EXD3: variants seen among roughly 807,000 people sequenced by gnomAD.
EXD3 encodes exonuclease 3'-5' domain containing 3.
A neutral mutation model predicts 98.0 loss-of-function variants in EXD3; 92 were observed. The observed-to-expected ratio is 0.94, with a 90% CI of 0.79 to 1.12. The LOEUF is 1.12. EXD3 is among the 50% of genes most tolerant of loss of function. The pLI is 0.00. For synonymous variants in EXD3, 569 were observed against 526.0 expected, an observed-to-expected ratio of 1.08 and a Z score of -1.12; for missense variants, 1,222 against 1,191.6, an observed-to-expected ratio of 1.03 and a Z score of -0.38.
chr9:137,352,317 T>A, intron 11 of EXD3, 116 bp from the exon 12 acceptor site: 1 of 1,418,820 alleles, frequency 7.0e-7, no homozygotes, highest in Middle Eastern at 2.1e-4. Context: ...AGGTCCTGGC[T>A]CCTCCTCCCA....
chr9:137,406,794 G>T (rs942951163), intron 1 of EXD3, among the ~76,000 whole-genome samples: 1 of 152,072 alleles, frequency 6.6e-6, no homozygotes, highest in Non-Finnish European at 1.5e-5. Flanking sequence ...CTCCTCTGGG[G>T]TGTCTGTGTC....
At chr9:137,331,227 A>T (rs1564482937) in intron 17 of EXD3, among the ~76,000 whole-genome samples, 1 of 152,136 alleles carries the variant, frequency 6.6e-6, no homozygotes, top group Non-Finnish European at 1.5e-5. Flanking sequence ...AAAATCCTCA[A>T]CCAACTAGGC....
rs1244803835 is a variant in EXD3 at position 137,361,329 on chromosome 9, G to A, written c.657-4961C>T. 6.9e-5 allele frequency among the ~76,000 whole-genome samples: 6 copies of A among 87,018 alleles called. 2 individuals are homozygous for A. The highest frequency in any genetic ancestry group is 1.9e-4 in the African/African-American group (6 of 31,488). The allele number at this position is 87,018 out of a possible 152,430, so 57.1% of individuals were successfully genotyped here. On this transcript the variant is annotated intron_variant, in intron 7 of 21. Transcript: ENST00000340951. ...GGAAGGGCCACCTGAACACATTACA[G>A]GGAAAAGTTTTCAAGCCTTACAAAG...
chr9:137,403,977 C>T lies in EXD3; in HGVS notation c.-47-8573G>A, dbSNP rs1382373223. Among the ~76,000 whole-genome samples the T allele has an allele frequency of 2.7e-5, 4 of 149,766 alleles. No homozygotes were observed. The highest frequency in any genetic ancestry group is 9.8e-5 in the African/African-American group (4 of 40,766). On this transcript the variant is annotated intron_variant, in intron 1 of 21. Transcript: ENST00000340951. The surrounding 1 kb of genome is among the most constrained non-coding windows in gnomAD (Gnocchi z 6.1). ...CGTACAAAGCACCACACACAGGGCG[C>T]GAGTGACAGGGACGTGTGTCCTCAC...
chr9:137,319,894 C>T (rs1217437694), intron 19 of EXD3, among the ~76,000 whole-genome samples: 1 of 152,222 alleles, frequency 6.6e-6, no homozygotes. Context: ...TGCCCAAGGG[C>T]ATCCTGCTAG....
chr9:137,351,775 G>T (rs769775812), intron 12 of EXD3, among the ~76,000 whole-genome samples: 3 of 152,234 alleles, frequency 2.0e-5, no homozygotes, highest in African/African-American at 7.2e-5. Context: ...TGGTGCCCAC[G>T]GCAGTGCCCG....
chr9:137,388,525 C>A (rs114729465), intron 2 of EXD3, among the ~76,000 whole-genome samples: 17 of 152,120 alleles, frequency 1.1e-4, no homozygotes, highest in Non-Finnish European at 1.2e-4. Context: ...CGACACTCTA[C>A]CATAAAGCGG....
intron 19 of EXD3, among the ~76,000 whole-genome samples, chr9:137,313,347 C>T (rs1831465928): frequency 6.6e-6 from 1 of 152,142 alleles, no homozygotes; most frequent in African/African-American, 2.4e-5. Flanking sequence ...TCCTGCCTGC[C>T]GGCCACCCTG....
At chr9:137,319,334 G>A (rs1033481796) in intron 19 of EXD3, among the ~76,000 whole-genome samples, 4 of 152,218 alleles carry the variant, frequency 2.6e-5, no homozygotes, top group African/African-American at 9.6e-5. Flanking sequence ...GTGGTCCCGG[G>A]GCCCGGCCTC....
chr9:137,352,817 T>G (rs1834380296), intron 10 of EXD3, 31 bp from the exon 11 acceptor site: 1 of 1,568,496 alleles, frequency 6.4e-7, no homozygotes. Flanking sequence ...AGGATGGAGA[T>G]GGGGACATTG....
At chr9:137,314,077 C>T (rs1315136681) in intron 19 of EXD3, among the ~76,000 whole-genome samples, 3 of 152,162 alleles carry the variant, frequency 2.0e-5, no homozygotes, top group African/African-American at 7.2e-5. Flanking sequence ...TGCACTCTGA[C>T]CTCCCCTAGA....
At chr9:137,374,729 C>CAGGGT in intron 3 of EXD3, 1 of 985,494 alleles carries the variant, frequency 1.0e-6, no homozygotes, top group Non-Finnish European at 1.2e-6. Flanking sequence ...AGTGGCCAGA[C>CAGGGT]AGGGTGAAAG....
chr9:137,381,686 C>T (rs1418686907), intron 3 of EXD3, among the ~76,000 whole-genome samples: 7 of 152,156 alleles, frequency 4.6e-5, no homozygotes, highest in Non-Finnish European at 8.8e-5. Context: ...TACTGCAGAC[C>T]GCCCCAAGGA....
Position 137,393,860 on chromosome 9 carries a change from G to T in EXD3, c.55+1443C>A, listed in dbSNP as rs1837070582. Among the ~76,000 whole-genome samples, 1 of 152,168 alleles carries T rather than the reference G, an allele frequency of 6.6e-6. No homozygotes were observed. The highest frequency in any genetic ancestry group is 6.5e-5 in the Admixed American group (1 of 15,288). On this transcript the variant is annotated intron_variant, in intron 2 of 21. Coordinates refer to ENST00000340951, the MANE Select transcript of EXD3 (RefSeq NM_017820.5). This position sits in a 1 kb window ranked among gnomAD's most constrained non-coding sequence, Gnocchi z 4.6. ...ACCCACAACAAACTGAGGGCCTGCA[G>T]CCCAGGGCGAGGCGGCTGGGCCAGG...
At chr9:137,332,373 A>T (rs1833116252) in intron 17 of EXD3, among the ~76,000 whole-genome samples, 1 of 151,992 alleles carries the variant, frequency 6.6e-6, no homozygotes, top group Admixed American at 6.6e-5. Context: ...GTGGATCACA[A>T]GGTCAGGAGA....
At position 137,349,381 on chromosome 9, in the gene EXD3, C is replaced by A; in HGVS notation, c.1645G>T (p.Val549Phe). The A allele has an allele frequency of 6.3e-7, 1 of 1,591,268 alleles. No individual in the cohort carries two copies. Among genetic ancestry groups the A allele is most frequent in the Non-Finnish European group, 8.5e-7 (1 of 1,174,036 alleles). The change falls in exon 15 of 22, where the codon GTC (valine) becomes TTC (phenylalanine). Residue 549 changes from valine to phenylalanine, a missense_variant. Physicochemically the swap from Val to Phe is conservative, Grantham distance 50. Coordinates refer to ENST00000340951, the MANE Select transcript of EXD3 (RefSeq NM_017820.5). The surrounding 1 kb of genome is among the most constrained non-coding windows in gnomAD (Gnocchi z 7.4). ...CCGCACCGCACACCTGCGTAGATGACCTGCTCCTCGCAGAGCGGCCTCCGG... is the reference window on the plus strand; with the variant it reads ...CCGCACCGCACACCTGCGTAGATGAACTGCTCCTCGCAGAGCGGCCTCCGG... The part of the protein sequence containing the change: ...WDRRPLCEEQ[V>F]IYAAADAYCL...
At chr9:137,353,091 C>T in intron 10 of EXD3, 2 of 1,232,240 alleles carry the variant, frequency 1.6e-6, no homozygotes, top group Non-Finnish European at 2.0e-6. Flanking sequence ...CAGCTGGCCC[C>T]TCCTGGCCTC....
chr9:137,347,984 GGA>G lies in EXD3; in HGVS notation c.1998+85_1998+86del. The G allele has an allele frequency of 7.1e-7, 1 of 1,415,474 alleles. No individual in the cohort carries two copies. Among genetic ancestry groups the G allele is most frequent in the South Asian group, 1.4e-5 (1 of 72,890 alleles). The allele number at this position is 1,415,474 out of a possible 1,614,324, so 87.7% of individuals were successfully genotyped here. A position where few individuals can be genotyped will look rare whatever the true frequency, so the allele number is the denominator to read the frequency against. On this transcript the variant is annotated intron_variant, in intron 17 of 21. Transcript: ENST00000340951. This position sits in a 1 kb window ranked among gnomAD's most constrained non-coding sequence, Gnocchi z 4.2. ...GCTGGCAGCCATGGATGAGCTGGAG[GGA>G]GGAGTTTGATGCTAGGGGTGGGCAC... is the stretch of plus-strand genomic sequence containing the variant.
intron 17 of EXD3, among the ~76,000 whole-genome samples, chr9:137,327,566 T>G (rs563878817): frequency 6.6e-6 from 1 of 152,130 alleles, no homozygotes; most frequent in Non-Finnish European, 1.5e-5. Context: ...GTGTTATGTA[T>G]GTTTTACCAC....
Sources: allele counts gnomAD v4.1 joint callset (sites outside exome capture counted in the v4.1 genomes callset), GRCh38; gene constraint gnomAD v4.1.1; non-coding constraint Gnocchi (gnomAD v3.1); transcripts MANE v1.5; gene names NCBI Gene and HGNC (gene_info 2026-07-23, HGNC 2026-07-21).